The following RRBP1 variants were observed in gnomAD, a reference collection of about 807,000 sequenced individuals.
The protein encoded by RRBP1 is ribosome-binding protein 1.
Under a neutral mutation model 165.2 loss-of-function variants are expected in RRBP1, and 94 were observed. The observed-to-expected ratio is 0.57, with a 90% CI of 0.48 to 0.68. The LOEUF (loss-of-function observed/expected upper bound fraction) is 0.68, where lower values mean the gene tolerates loss of function less well. Ranked by LOEUF, RRBP1 falls within the 30% of genes least tolerant of loss-of-function variation. RRBP1 has a pLI of 0.00. For synonymous variants in RRBP1, 680 were observed against 714.5 expected (o/e 0.95, Z 0.77); for missense variants, 1,676 against 1,763.0 (o/e 0.95, Z 0.88).
At chr20:17,651,431 C>G (rs2036555457) in intron 3 of RRBP1, among the ~76,000 whole-genome samples, 1 of 152,204 alleles carries the variant, frequency 6.6e-6, no homozygotes, top group Non-Finnish European at 1.5e-5. Flanking sequence ...TACATCATTG[C>G]AGCATTAATT....
intron 3 of RRBP1, among the ~76,000 whole-genome samples, chr20:17,648,808 G>A (rs572354240): frequency 2.6e-5 from 4 of 152,220 alleles, no homozygotes; most frequent in Admixed American, 6.5e-5. Context: ...TTAAAAGAAC[G>A]ACAATTCCTG....
At chr20:17,632,123 G>A (rs1461831332) in intron 8 of RRBP1, among the ~76,000 whole-genome samples, 3 of 152,202 alleles carry the variant, frequency 2.0e-5, no homozygotes, top group Non-Finnish European at 4.4e-5. Flanking sequence ...AAGTGGCAGA[G>A]CCAGGACCTG....
At chr20:17,637,295 T>C (rs920520244) in intron 5 of RRBP1, among the ~76,000 whole-genome samples, 2 of 151,950 alleles carry the variant, frequency 1.3e-5, no homozygotes, top group African/African-American at 2.4e-5. Context: ...CAGGTGAACA[T>C]GGATGCCGAG....
chr20:17,629,814 C>T lies in RRBP1; in HGVS notation c.2749+9G>A, dbSNP rs570602295. On this transcript the variant is annotated intron_variant, in intron 9 of 24. Transcript: ENST00000377813. ...ACTGAACCCCCGGCCCCACTGCCGC[C>T]GCCCTTACCGGCCATCTGCTGCTGT... The T allele has an allele frequency of 2.2e-4, 344 of 1,594,412 alleles. 5 individuals carry two copies. The South Asian group carries it at 3.5e-3, about 16-fold the overall frequency.
intron 3 of RRBP1, among the ~76,000 whole-genome samples, chr20:17,646,568 G>GT (rs1467708328): frequency 1.3e-5 from 2 of 152,226 alleles, no homozygotes; most frequent in Non-Finnish European, 2.9e-5. Flanking sequence ...GCTGAAAAGA[G>GT]TAAGTTGCAA....
rs564801904 is a variant in RRBP1 at position 17,630,042 on chromosome 20, G to A, written c.2611-81C>T. 554 of 1,459,774 alleles carry A rather than the reference G, an allele frequency of 3.8e-4. 5 individuals carry two copies. In the African/African-American group the frequency reaches 7.0e-3, roughly 18 times the overall value. 90.4% of individuals were successfully genotyped at this position (1,459,774 alleles called of 1,614,324 possible). On this transcript the variant is annotated intron_variant, in intron 8 of 24. Transcript: ENST00000377813. ...CGGCTCTGCGGTGGAGGCGGACAGA[G>A]CTCTTTACCCCACCAAAGCCCCGTG... is the stretch of plus-strand genomic sequence containing the variant.
intron 3 of RRBP1, among the ~76,000 whole-genome samples, chr20:17,650,150 G>A (rs1447775706): frequency 6.6e-6 from 1 of 151,546 alleles, no homozygotes. Flanking sequence ...TAATGGAGTT[G>A]TTTCTTCTCC....
Position 17,633,002 on chromosome 20 carries a change from G to C in RRBP1, c.2610+458C>G, listed in dbSNP as rs149262193. ...CCTGTGGGCTCAGCTGGCTGCTCCA[G>C]AGCTGCAGTACCACAGTGGGGGCAA... is the stretch of plus-strand genomic sequence containing the variant. On this transcript the variant is annotated intron_variant, in intron 8 of 24. Coordinates refer to ENST00000377813, the MANE Select transcript of RRBP1 (RefSeq NM_001365613.2). Among the ~76,000 whole-genome samples, 13 of 152,336 alleles carry C rather than the reference G, an allele frequency of 8.5e-5. No individual in the cohort carries two copies. The East Asian group carries it at 2.3e-3, about 27-fold the overall frequency.
chr20:17,635,461 G>T, intron 7 of RRBP1, 85 bp downstream of exon 7: 1 of 990,696 alleles, frequency 1.0e-6, no homozygotes, highest in Non-Finnish European at 1.5e-6. Context: ...TGGCTCTTGT[G>T]CCAGCTGCCC....
At chr20:17,665,203 C>T (rs928893990) in intron 2 of RRBP1, among the ~76,000 whole-genome samples, 1 of 152,116 alleles carries the variant, frequency 6.6e-6, no homozygotes, top group African/African-American at 2.4e-5. Flanking sequence ...CTTACCACTT[C>T]CACCTGCTTT....
chr20:17,670,263 G>T (rs116550975), intron 2 of RRBP1, among the ~76,000 whole-genome samples: 2,477 of 152,122 alleles, frequency 0.016, 81 homozygotes, highest in African/African-American at 0.057. Flanking sequence ...AGGATAAAAC[G>T]ATTTAGTCAT....
In RRBP1 at chr20:17,638,508, C is replaced by T. The variant is rs111683715; in HGVS notation, c.2185-1779G>A. ...CTCCTGGGGGTCAGCGTCCCAAGGC[C>T]GCCAGGATTCAATGGGATCTTCCCC... is the stretch of plus-strand genomic sequence containing the variant. On this transcript the variant is annotated intron_variant, in intron 5 of 24. Coordinates refer to ENST00000377813, the MANE Select transcript of RRBP1 (RefSeq NM_001365613.2). Among the ~76,000 whole-genome samples, 874 of 152,260 alleles carry T rather than the reference C, an allele frequency of 5.7e-3. 7 individuals carry two copies. Among genetic ancestry groups the T allele is most frequent in the African/African-American group, 0.02 (832 of 41,546 alleles).
At chr20:17,650,928 C>T (rs7262442) in intron 3 of RRBP1, among the ~76,000 whole-genome samples, 10 of 152,142 alleles carry the variant, frequency 6.6e-5, no homozygotes, top group African/African-American at 2.2e-4. Flanking sequence ...CATACACACA[C>T]GTCTTGTGTT....
intron 6 of RRBP1, 146 bp downstream of exon 6, chr20:17,636,431 C>T: frequency 1.0e-6 from 1 of 956,208 alleles, no homozygotes. Context: ...CCCTGGACTC[C>T]TAAACCTGAC....
intron 20 of RRBP1, 74 bp downstream of exon 20, chr20:17,618,522 T>C (rs2035844596): frequency 8.7e-7 from 1 of 1,152,132 alleles, no homozygotes; most frequent in Non-Finnish European, 1.3e-6. Flanking sequence ...CACAAACGCA[T>C]GACTGGCAAA....
chr20:17,677,228 C>T (rs913005335), intron 2 of RRBP1, among the ~76,000 whole-genome samples: 1 of 152,166 alleles, frequency 6.6e-6, no homozygotes, highest in African/African-American at 2.4e-5. Context: ...TGCTTATACC[C>T]TAACAGACCT....
At chr20:17,617,382 G>C (rs6105782) in intron 20 of RRBP1, among the ~76,000 whole-genome samples, 9,801 of 152,290 alleles carry the variant, frequency 0.064, 605 homozygotes, top group African/African-American at 0.16. Context: ...CTCAGGTAGA[G>C]GTTCCAATTG....
chr20:17,629,300 G>A lies in RRBP1; in HGVS notation c.2749+523C>T, dbSNP rs149885962. Among the ~76,000 whole-genome samples, 832 of 152,340 alleles carry A rather than the reference G, an allele frequency of 5.5e-3. 5 individuals are homozygous for A. Among genetic ancestry groups the A allele is most frequent in the African/African-American group, 0.019 (770 of 41,572 alleles). On this transcript the variant is annotated intron_variant, in intron 9 of 24. Transcript: ENST00000377813. ...CACCTTCAGCTCCCTTTCTCCAGGG[G>A]CTCTCGGCCCTCCATCCCTGTCACC...
chr20:17,673,092 G>A (rs143211940), intron 2 of RRBP1, among the ~76,000 whole-genome samples: 2 of 152,208 alleles, frequency 1.3e-5, no homozygotes, highest in Non-Finnish European at 2.9e-5. Flanking sequence ...GCGTAGACTC[G>A]TGATAGTGCA....
Sources: allele counts gnomAD v4.1 joint callset (sites outside exome capture counted in the v4.1 genomes callset), GRCh38; gene constraint gnomAD v4.1.1; transcripts MANE v1.5; gene names NCBI Gene and HGNC (gene_info 2026-07-23, HGNC 2026-07-21).